Variants in CASP8 observed in about 807,000 individuals in gnomAD.
CASP8 encodes the protein caspase-8.
In CASP8, 24 loss-of-function variants were observed where a neutral mutation model predicts 46.3. That is an observed-to-expected ratio of 0.52 (90% CI 0.38 to 0.73). The LOEUF (loss-of-function observed/expected upper bound fraction) is 0.73, where lower values mean the gene tolerates loss of function less well. Ranked by LOEUF, CASP8 falls within the 30% of genes least tolerant of loss-of-function variation. The pLI is 0.00. For synonymous variants in CASP8, 188 were observed against 200.4 expected, an observed-to-expected ratio of 0.94 and a Z score of 0.52; for missense variants, 460 against 559.0, an observed-to-expected ratio of 0.82 and a Z score of 1.79.
chr2:201,281,987 G>C (rs1347122895), intron 7 of CASP8: 1 of 195,642 alleles, frequency 5.1e-6, no homozygotes, highest in Admixed American at 1.0e-4. Flanking sequence ...CTCGCAGAGG[G>C]GGATTTGGCA....
At chr2:201,258,323 T>G (rs764133648), upstream of CASP8, 11 of 1,614,084 alleles carry the variant, frequency 6.8e-6, no homozygotes, top group Non-Finnish European at 8.5e-6. Context: ...GCTGAGCACG[T>G]GGAGTTAGGC....
intron 2 of CASP8, among the ~76,000 whole-genome samples, chr2:201,247,761 C>T (rs1169716380): frequency 6.6e-6 from 1 of 152,180 alleles, no homozygotes; most frequent in Non-Finnish European, 1.5e-5. Flanking sequence ...TCTCCTGCCT[C>T]AGCCTCCCGA....
chr2:201,258,062 A>G, upstream of CASP8: 2 of 724,360 alleles, frequency 2.8e-6, no homozygotes, highest in Non-Finnish European at 4.8e-6. Context: ...CTTTAGGAGT[A>G]AAGTTTACCC....
At chr2:201,269,404 G>A in intron 2 of CASP8, 3 of 714,598 alleles carry the variant, frequency 4.2e-6, no homozygotes, top group Non-Finnish European at 7.5e-6. Flanking sequence ...GTCTTTATAA[G>A]GCACTTATTC....
At chr2:201,241,747 A>C (rs1449538855) in intron 2 of CASP8, 2 of 152,302 alleles carry the variant, frequency 1.3e-5, no homozygotes, top group Non-Finnish European at 2.9e-5. Flanking sequence ...AGACACCACA[A>C]GAAATGAAAA....
chr2:201,278,112 AT>A (rs1472067744), intron 7 of CASP8: 3 of 152,460 alleles, frequency 2.0e-5, no homozygotes, highest in African/African-American at 7.2e-5. Flanking sequence ...ATTGAAAAAA[AT>A]ATTTTGGACC....
intron 2 of CASP8, among the ~76,000 whole-genome samples, chr2:201,270,446 T>C (rs1948162285): frequency 6.6e-6 from 1 of 152,156 alleles, no homozygotes; most frequent in Non-Finnish European, 1.5e-5. Context: ...CCAACACCAA[T>C]AGCCTGGGTC....
chr2:201,272,040 G>C lies in CASP8; in HGVS notation c.411+419G>C, dbSNP rs1169038141. Reference sequence around the variant, plus strand: ...CTGTGTATAGTGTGTGTCTGTATTTGTGTGTGATATGTGTATCTCTGTGTG... The same window carrying C: ...CTGTGTATAGTGTGTGTCTGTATTTCTGTGTGATATGTGTATCTCTGTGTG... On this transcript the variant is annotated intron_variant, in intron 3 of 8. Coordinates refer to ENST00000673742, the MANE Select transcript of CASP8 (RefSeq NM_001372051.1). The surrounding 1 kb of genome is among the most constrained non-coding windows in gnomAD (Gnocchi z 4.4). 1.3e-5 allele frequency among the ~76,000 whole-genome samples: 2 copies of C among 151,920 alleles called. No individual in the cohort carries two copies. The highest frequency in any genetic ancestry group is 4.8e-5 in the African/African-American group (2 of 41,376).
rs534884641 is a variant in CASP8 at position 201,269,588 on chromosome 2, C to T, written c.306-1928C>T. The T allele has an allele frequency of 2.6e-5, 42 of 1,612,278 alleles. No homozygotes were observed. The South Asian group carries it at 2.9e-4, about 11-fold the overall frequency. ...AGTCTGTACCTTTCTGGCGGAGGGT[C>T]GATCATCTATTAATAAGGCAGGATC... On this transcript the variant is annotated intron_variant, in intron 2 of 8. Transcript: ENST00000673742.
In CASP8 at chr2:201,287,510, T is replaced by C. The variant is rs1046428727; in HGVS notation, c.*916T>C. ...CCCAAACTTGCTTTATGCCTTCTTATTGCTTTTATGATATATATATGCTTG... is the reference window on the plus strand; with the variant it reads ...CCCAAACTTGCTTTATGCCTTCTTACTGCTTTTATGATATATATATGCTTG... On this transcript the variant is annotated 3_prime_UTR_variant, in exon 9 of 9. Coordinates refer to ENST00000673742, the MANE Select transcript of CASP8 (RefSeq NM_001372051.1). The C allele has an allele frequency of 2.6e-5, 4 of 152,344 alleles. No homozygotes were observed. Among genetic ancestry groups the C allele is most frequent in the Non-Finnish European group, 5.9e-5 (4 of 68,096 alleles). 9.4% of individuals were successfully genotyped at this position (152,344 alleles called of 1,614,324 possible).
At chr2:201,258,086 G>A, upstream of CASP8, 1 of 856,654 alleles carries the variant, frequency 1.2e-6, no homozygotes, top group South Asian at 1.4e-5. Context: ...AGTTCCTTCT[G>A]TGGTGAAGTT....
chr2:201,283,145 T>C (rs1949238625), intron 7 of CASP8, among the ~76,000 whole-genome samples: 2 of 52,760 alleles, frequency 3.8e-5, no homozygotes, highest in Admixed American at 2.9e-4. Context: ...GCAGAGGGGC[T>C]CCTCACTTCC....
intron 2 of CASP8, among the ~76,000 whole-genome samples, chr2:201,252,895 AG>A (rs1274484059): frequency 6.6e-6 from 1 of 152,096 alleles, no homozygotes; most frequent in Non-Finnish European, 1.5e-5. Context: ...CTTATTATGG[AG>A]GGGGAAAAAA....
chr2:201,235,286 T>C (rs1946002558), intron 2 of CASP8, among the ~76,000 whole-genome samples: 1 of 152,226 alleles, frequency 6.6e-6, no homozygotes, highest in African/African-American at 2.4e-5. Context: ...TCGGTGTTCT[T>C]ATACTTGAAA....
At chr2:201,237,576 C>T (rs751497372) in intron 2 of CASP8, among the ~76,000 whole-genome samples, 2 of 151,802 alleles carry the variant, frequency 1.3e-5, no homozygotes, top group African/African-American at 2.4e-5. Context: ...AAATTTGTAT[C>T]GAAACCTTAC....
At chr2:201,271,717 C>G in intron 3 of CASP8, 96 bp downstream of exon 3, 1 of 769,678 alleles carries the variant, frequency 1.3e-6, no homozygotes. Context: ...GTAAAAGCAA[C>G]CTGGATTCTC....
chr2:201,279,567 C>T (rs1201315981), intron 7 of CASP8, among the ~76,000 whole-genome samples: 1 of 152,228 alleles, frequency 6.6e-6, no homozygotes, highest in Non-Finnish European at 1.5e-5. Flanking sequence ...GCCACATCCA[C>T]AAACACAGAG....
chr2:201,277,281 A>G (rs113209924), intron 7 of CASP8, among the ~76,000 whole-genome samples: 4 of 152,230 alleles, frequency 2.6e-5, no homozygotes, highest in African/African-American at 4.8e-5. Flanking sequence ...TGTGGAATGT[A>G]TTAGGCGATG....
At chr2:201,285,569 T>C (rs1286951301) in intron 8 of CASP8, among the ~76,000 whole-genome samples, 6 of 152,206 alleles carry the variant, frequency 3.9e-5, no homozygotes, top group Non-Finnish European at 8.8e-5. Context: ...CCTTAGTTTA[T>C]AGATGGAAAA....
Sources: allele counts gnomAD v4.1 joint callset (sites outside exome capture counted in the v4.1 genomes callset), GRCh38; gene constraint gnomAD v4.1.1; non-coding constraint Gnocchi (gnomAD v3.1); transcripts MANE v1.5; gene names NCBI Gene and HGNC (gene_info 2026-07-23, HGNC 2026-07-21).